Variants in TENM3 observed in about 807,000 individuals in gnomAD.
The protein encoded by TENM3 is teneurin-3.
Under a neutral mutation model 255.1 loss-of-function variants are expected in TENM3, and 63 were observed. That is an observed-to-expected ratio of 0.25 (90% CI 0.20 to 0.30). TENM3 has a LOEUF of 0.30. Among genes scored for constraint, TENM3 ranks in the 10% least tolerant of loss-of-function variants. The pLI is 1.00. For synonymous variants in TENM3, 1,306 were observed against 1,322.3 expected, an observed-to-expected ratio of 0.99 and a Z score of 0.27; for missense variants, 2,929 against 3,461.1, an observed-to-expected ratio of 0.85 and a Z score of 3.86.
the TENM3 span, among the ~76,000 whole-genome samples, chr4:181,887,656 C>T: frequency 2.0e-5 from 3 of 152,156 alleles, no homozygotes; most frequent in Admixed American, 2.0e-4. Flanking sequence ...TTCAGTGCTT[C>T]GTATCTGAGA....
At chr4:182,567,818 G>T (rs1580964501) in intron 3 of TENM3, among the ~76,000 whole-genome samples, 2 of 134,424 alleles carry the variant, frequency 1.5e-5, no homozygotes, top group South Asian at 2.4e-4. Flanking sequence ...ATTATTAATT[G>T]TCTCCCCCCA....
At chr4:182,024,822 C>T in the TENM3 span, among the ~76,000 whole-genome samples, 1 of 152,010 alleles carries the variant, frequency 6.6e-6, no homozygotes, top group Non-Finnish European at 1.5e-5. Context: ...CCCCACCTCC[C>T]CCTGACCCAG....
At chr4:182,439,815 C>T (rs192695581) in intron 3 of TENM3, among the ~76,000 whole-genome samples, 1 of 152,288 alleles carries the variant, frequency 6.6e-6, no homozygotes, top group Admixed American at 6.5e-5. Flanking sequence ...TCACCCACAC[C>T]ATTCCCTGTC....
At chr4:182,729,897 T>C (rs755692182) in intron 14 of TENM3, among the ~76,000 whole-genome samples, 1 of 152,126 alleles carries the variant, frequency 6.6e-6, no homozygotes, top group African/African-American at 2.4e-5. Context: ...ATATGACTTA[T>C]GAAAAAAGCA....
At chr4:182,555,403 GA>G (rs575634809) in intron 3 of TENM3, among the ~76,000 whole-genome samples, 8 of 151,712 alleles carry the variant, frequency 5.3e-5, no homozygotes, top group South Asian at 2.1e-4. Context: ...GTATAATTGT[GA>G]AAAAAAATAG....
At chr4:182,584,823 G>A (rs948936772) in intron 3 of TENM3, among the ~76,000 whole-genome samples, 1 of 151,878 alleles carries the variant, frequency 6.6e-6, no homozygotes, top group African/African-American at 2.4e-5. Flanking sequence ...TGTATTTTTA[G>A]TAGAGACAGG....
chr4:182,703,844 G>T (rs1214010721), intron 12 of TENM3, among the ~76,000 whole-genome samples: 2 of 152,118 alleles, frequency 1.3e-5, no homozygotes, highest in Non-Finnish European at 2.9e-5. Context: ...GACAAAAGTG[G>T]CAATTACAGA....
chr4:182,794,758 C>T (rs572186595), intron 26 of TENM3, among the ~76,000 whole-genome samples: 52 of 152,292 alleles, frequency 3.4e-4, no homozygotes, highest in African/African-American at 1.2e-3. Flanking sequence ...ATGGAACAAC[C>T]AGCATGTGAA....
the TENM3 span, among the ~76,000 whole-genome samples, chr4:181,996,559 G>A: frequency 1.3e-5 from 2 of 152,098 alleles, no homozygotes; most frequent in South Asian, 2.1e-4. Flanking sequence ...GGTTGCCAGG[G>A]GAGCACTTTT....
chr4:182,504,214 A>T (rs994927620), intron 3 of TENM3, among the ~76,000 whole-genome samples: 2 of 151,360 alleles, frequency 1.3e-5, no homozygotes, highest in Non-Finnish European at 2.9e-5. Context: ...AAAATCACTC[A>T]TCCCCTGATG....
the TENM3 span, among the ~76,000 whole-genome samples, chr4:181,791,917 G>A: frequency 4.1e-4 from 62 of 152,220 alleles, 1 homozygote; most frequent in Admixed American, 3.3e-4. Flanking sequence ...TATTTAATAG[G>A]CAAAATTAAG....
chr4:181,690,234 G>C, the TENM3 span, among the ~76,000 whole-genome samples: 1 of 85,642 alleles, frequency 1.2e-5, no homozygotes, highest in African/African-American at 3.8e-5. Context: ...ACATGCGCGT[G>C]AGCGTGCACA....
At chr4:181,915,325 A>G in the TENM3 span, among the ~76,000 whole-genome samples, 1 of 152,324 alleles carries the variant, frequency 6.6e-6, no homozygotes, top group African/African-American at 2.4e-5. Flanking sequence ...CCTTGGATTC[A>G]GAAAGACTGT....
chr4:181,828,031 G>A, the TENM3 span, among the ~76,000 whole-genome samples: 5 of 152,168 alleles, frequency 3.3e-5, no homozygotes, highest in Non-Finnish European at 7.3e-5. Context: ...AGTTCTGCCT[G>A]CTTGGAAACT....
intron 3 of TENM3, among the ~76,000 whole-genome samples, chr4:182,492,601 T>C (rs2151594502): frequency 6.6e-6 from 1 of 152,310 alleles, no homozygotes; most frequent in South Asian, 2.1e-4. Flanking sequence ...CCTGAAACCC[T>C]GCTATTTTTA....
chr4:182,495,821 CAATTT>C (rs1735724337), intron 3 of TENM3, among the ~76,000 whole-genome samples: 1 of 152,140 alleles, frequency 6.6e-6, no homozygotes, highest in African/African-American at 2.4e-5. Flanking sequence ...TTTTTTGGAT[CAATTT>C]AATTATCATT....
At chr4:181,709,940 A>G in the TENM3 span, among the ~76,000 whole-genome samples, 1 of 152,166 alleles carries the variant, frequency 6.6e-6, no homozygotes, top group Non-Finnish European at 1.5e-5. Flanking sequence ...GAGAGACTGA[A>G]GAAGAAGTGT....
chr4:182,676,596 C>T (rs113393719), intron 7 of TENM3, among the ~76,000 whole-genome samples: 34 of 152,244 alleles, frequency 2.2e-4, no homozygotes, highest in Non-Finnish European at 3.7e-4. Context: ...GTTTTAGTAA[C>T]GGAATTGAAT....
intron 3 of TENM3, among the ~76,000 whole-genome samples, chr4:182,410,582 C>T (rs1431412906): frequency 1.3e-5 from 2 of 152,194 alleles, no homozygotes; most frequent in East Asian, 3.8e-4. Context: ...TCCAGTTACA[C>T]CACATTGCTG....
Sources: gnomAD v4.1 joint callset for allele counts (sites outside exome capture counted in the v4.1 genomes callset) on GRCh38, gnomAD v4.1.1 for gene constraint, MANE v1.5 for transcripts, NCBI Gene and HGNC (gene_info 2026-07-23, HGNC 2026-07-21) for gene names.